ATP13A3: variants seen among roughly 807,000 people sequenced by gnomAD.
ATP13A3 encodes the protein ATPase 13A3, also known as polyamine-transporting ATPase 13A3.
A neutral mutation model predicts 158.1 loss-of-function variants in ATP13A3; 59 were observed. The ratio of observed to expected loss-of-function variants is 0.37; its 90% confidence interval spans 0.30 to 0.46. The LOEUF is 0.46. ATP13A3 is among the 20% of genes least tolerant of loss of function. ATP13A3 has a pLI of 1.00. For synonymous variants in ATP13A3, 491 were observed against 504.3 expected (o/e 0.97, Z 0.35); for missense variants, 1,166 against 1,525.2 (o/e 0.76, Z 3.92).
intron 4 of ATP13A3, among the ~76,000 whole-genome samples, 172 bp from the exon 5 acceptor site, chr3:194,460,143 TA>T (rs1188362413): frequency 6.6e-6 from 1 of 152,214 alleles, no homozygotes; most frequent in African/African-American, 2.4e-5. Flanking sequence ...AATTCAAACA[TA>T]AGGTGCTTTC....
At chr3:194,461,427 G>A (rs1353538592) in intron 3 of ATP13A3, among the ~76,000 whole-genome samples, 2 of 151,964 alleles carry the variant, frequency 1.3e-5, no homozygotes, top group Admixed American at 6.6e-5. Context: ...CAATATAATC[G>A]AGAGTATCAC....
At position 194,448,540 on chromosome 3, in the gene ATP13A3, C is replaced by T. The variant is rs755718276; in HGVS notation, c.1067G>A (p.Arg356Gln). The T allele has an allele frequency of 1.2e-5, 19 of 1,613,838 alleles. No homozygotes were observed. The highest frequency in any genetic ancestry group is 3.3e-5 in the Admixed American group (2 of 59,996). Residue 356 changes from arginine (R) to glutamine (Q), a missense_variant, in exon 12 of 34, where the codon CGA becomes CAA. Transcript: ENST00000645319. This position sits in a 1 kb window ranked among gnomAD's most constrained non-coding sequence, Gnocchi z 4.0. ...AGTTGTCCCACAAAACAAAGTATGT[C>T]GTTTATGTGTTTCTGGATTATATAA... ...DELYNPETHKRHTLFCGTTVI... is the reference protein window; with the variant it reads ...DELYNPETHKQHTLFCGTTVI...
intron 2 of ATP13A3, among the ~76,000 whole-genome samples, chr3:194,463,207 C>A (rs60001699): frequency 6.6e-6 from 1 of 152,048 alleles, no homozygotes; most frequent in African/African-American, 2.4e-5. Context: ...TCCAAGTCCA[C>A]TGGGCAACCT....
At chr3:194,434,474 C>G (rs1717473376) in intron 20 of ATP13A3, among the ~76,000 whole-genome samples, 1 of 152,176 alleles carries the variant, frequency 6.6e-6, no homozygotes, top group African/African-American at 2.4e-5. Flanking sequence ...ATGCTAGTCA[C>G]TGGGAGGTTA....
In ATP13A3 at chr3:194,403,594, TA is replaced by T. The variant is rs1165826783; in HGVS notation, c.*2324del. On this transcript the variant is annotated 3_prime_UTR_variant, in exon 34 of 34. Coordinates refer to ENST00000645319, the MANE Select transcript of ATP13A3 (RefSeq NM_001367549.1). The stretch of plus-strand genomic sequence containing the variant: ...TTTAAATCAGCAATATTCATCTTAA[TA>T]CATCAAAATAATATATGTACAGATT... The T allele has an allele frequency of 2.0e-5, 3 of 152,250 alleles. No homozygotes were observed. The highest frequency in any genetic ancestry group is 7.2e-5 in the African/African-American group (3 of 41,470). The allele number at this position is 152,250 out of a possible 1,614,324, so 9.4% of individuals were successfully genotyped here.
intron 31 of ATP13A3, among the ~76,000 whole-genome samples, chr3:194,418,048 A>G (rs1393078543): frequency 6.6e-6 from 1 of 151,804 alleles, no homozygotes; most frequent in East Asian, 1.9e-4. Flanking sequence ...GGAATGAAGG[A>G]AGGAAGGAAG....
chr3:194,453,737 G>A lies in ATP13A3; in HGVS notation c.807C>T (p.Thr269=), dbSNP rs761601459. 3.2e-5 allele frequency: 52 copies of A among 1,612,854 alleles called. No homozygotes were observed. In the South Asian group the frequency reaches 4.1e-4, roughly 13 times the overall value. The part of the protein sequence containing the change: ...MLHDMVATHS[T]VRVSVCRVNE... ...TTACTCTACAAACTGAAACTCTTAC[G>A]GTACTATGAGTTGCCACCATGTCAT... The change falls in exon 10 of 34, where the codon ACC becomes ACT. Residue 269 remains threonine, a synonymous_variant. Transcript: ENST00000645319.
At chr3:194,462,265 G>A (rs536635955) in intron 2 of ATP13A3, 29 bp from the exon 3 acceptor site, 1 of 1,380,622 alleles carries the variant, frequency 7.2e-7, no homozygotes, top group South Asian at 1.2e-5. Flanking sequence ...CAGACGTTAG[G>A]GAACTATCTT....
intron 30 of ATP13A3, among the ~76,000 whole-genome samples, chr3:194,421,944 C>CAAAAA (rs397972334): frequency 5.1e-5 from 5 of 97,504 alleles, no homozygotes; most frequent in African/African-American, 2.2e-4. Flanking sequence ...GTGTCGTTGG[C>CAAAAA]AAAAAAAAAA....
chr3:194,436,020 TAAG>T (rs1368585705), intron 20 of ATP13A3, among the ~76,000 whole-genome samples: 1 of 152,190 alleles, frequency 6.6e-6, no homozygotes, highest in Non-Finnish European at 1.5e-5. Flanking sequence ...AGCTATAAAT[TAAG>T]AAGAGACTAA....
chr3:194,465,001 A>T (rs73071164), intron 2 of ATP13A3, among the ~76,000 whole-genome samples: 2,515 of 152,272 alleles, frequency 0.017, 78 homozygotes, highest in African/African-American at 0.058. Flanking sequence ...ATTACTTCAC[A>T]TTCTCATATG....
intron 1 of ATP13A3, 110 bp from the exon 2 acceptor site, chr3:194,485,945 ACCCCTCACC>A: frequency 6.6e-6 from 1 of 151,606 alleles, no homozygotes. Context: ...CTTCATCCCT[ACCCCTCACC>A]TCCCCAAAAA....
chr3:194,440,302 G>A (rs1174337073), intron 16 of ATP13A3, among the ~76,000 whole-genome samples: 1 of 152,184 alleles, frequency 6.6e-6, no homozygotes, highest in Admixed American at 6.5e-5. Flanking sequence ...AAACCAGGGA[G>A]TCCTCCTCCA....
chr3:194,408,022 T>C (rs1577018606), intron 33 of ATP13A3, among the ~76,000 whole-genome samples: 1 of 134,770 alleles, frequency 7.4e-6, no homozygotes, highest in Non-Finnish European at 1.6e-5. Context: ...AGCTGTCACC[T>C]TTTTTTTTTT....
In ATP13A3 at chr3:194,430,097, T is replaced by C. The variant is rs1356528722; in HGVS notation, c.2752A>G (p.Ile918Val). ...ASPFTSKTPS[I>V]SCVPNLIREG... is the part of the protein sequence containing the mutation. ...CTGATAAGGTTTGGCACACAGGAAA[T>C]ACTAGGAGTCTTAGAGGTAAAGGGA... The change falls in exon 26 of 34, where the codon ATT (isoleucine) becomes GTT (valine). Residue 918 changes from isoleucine (I) to valine (V), a missense_variant. By Grantham distance (29) the Ile-to-Val change is conservative (BLOSUM62 3). Around this residue, in one of 3 missense-constraint regions of ATP13A3, gnomAD observed 997 missense variants for 1,341.2 expected, o/e 0.74. Transcript: ENST00000645319. 1.2e-6 allele frequency: 2 copies of C among 1,613,964 alleles called. No individual in the cohort carries two copies. The highest frequency in any genetic ancestry group is 1.3e-5 in the African/African-American group (1 of 74,898).
intron 3 of ATP13A3, among the ~76,000 whole-genome samples, chr3:194,461,363 AAACTC>A (rs1327081201): frequency 6.6e-6 from 1 of 152,344 alleles, no homozygotes; most frequent in African/African-American, 2.4e-5. Context: ...ACTATTAACT[AAACTC>A]AGTTTTAGGA....
At chr3:194,430,373 A>G in intron 24 of ATP13A3, 58 bp from the exon 25 acceptor site, 1 of 1,517,332 alleles carries the variant, frequency 6.6e-7, no homozygotes, top group Non-Finnish European at 9.0e-7. Context: ...AAAACATTTA[A>G]CTTATTAAGA....
intron 2 of ATP13A3, among the ~76,000 whole-genome samples, chr3:194,484,243 A>AT (rs1056359285): frequency 2.4e-4 from 36 of 150,408 alleles, no homozygotes; most frequent in Admixed American, 5.3e-4. Context: ...AACTTCTTTA[A>AT]TTTTTTTTTT....
rs1221154677 is a variant in ATP13A3 at position 194,405,748 on chromosome 3, G to A, written c.*171C>T. On this transcript the variant is annotated 3_prime_UTR_variant, in exon 34 of 34. Transcript: ENST00000645319. ...TGATTGTTAATTTAACTGTTAGGAC[G>A]ATATATTTTTCTGTTTTTATTTTAA... 7.6e-6 allele frequency: 5 copies of A among 654,116 alleles called. No individual in the cohort carries two copies. The highest frequency in any genetic ancestry group is 3.0e-5 in the Admixed American group (1 of 33,572). 40.5% of individuals were successfully genotyped at this position (654,116 alleles called of 1,614,324 possible).
Sources: gnomAD v4.1 joint callset for allele counts (sites outside exome capture counted in the v4.1 genomes callset) on GRCh38, gnomAD v4.1.1 for gene constraint, gnomAD v4.1.1 regional missense constraint, Gnocchi (gnomAD v3.1) non-coding constraint, MANE v1.5 for transcripts, NCBI Gene and HGNC (gene_info 2026-07-23, HGNC 2026-07-21) for gene names.